PSMA6: variants seen among roughly 807,000 people sequenced by gnomAD.
PSMA6 encodes the protein proteasome 20S subunit alpha 6.
For synonymous variants in PSMA6, 88 were observed against 97.7 expected, an observed-to-expected ratio of 0.90 and a Z score of 0.59; for missense variants, 170 against 294.8, an observed-to-expected ratio of 0.58 and a Z score of 3.10.
chr14:35,289,803 G>A (rs2051457727), upstream of PSMA6, among the ~76,000 whole-genome samples: 1 of 150,982 alleles, frequency 6.6e-6, no homozygotes, highest in African/African-American at 2.4e-5. Flanking sequence ...TGCAGCTGCA[G>A]TCCCAGCTCC....
At chr14:35,304,560 T>G (rs2138737635) in intron 1 of PSMA6, among the ~76,000 whole-genome samples, 1 of 152,090 alleles carries the variant, frequency 6.6e-6, no homozygotes, top group Non-Finnish European at 1.5e-5. Flanking sequence ...CGAAACCTCG[T>G]CTCTACTAAA....
chr14:35,292,255 C>T (rs1197665424), upstream of PSMA6: 9 of 1,348,530 alleles, frequency 6.7e-6, no homozygotes, highest in East Asian at 2.1e-4. Flanking sequence ...AGGCGCATAC[C>T]TTCAAAGGCC....
At chr14:35,285,301 C>T (rs2051408406) in intron 1 of PSMA6, among the ~76,000 whole-genome samples, 2 of 149,240 alleles carry the variant, frequency 1.3e-5, no homozygotes, top group Admixed American at 1.4e-4. Flanking sequence ...GATCGTGCCA[C>T]TGCACTCTAG....
At chr14:35,286,221 G>A (rs2051420423) in intron 1 of PSMA6, among the ~76,000 whole-genome samples, 1 of 152,188 alleles carries the variant, frequency 6.6e-6, no homozygotes, top group Admixed American at 6.6e-5. Flanking sequence ...CTGACACTCA[G>A]AGCAGAACCT....
chr14:35,309,896 C>T (rs1040181048), intron 3 of PSMA6, among the ~76,000 whole-genome samples: 8 of 151,852 alleles, frequency 5.3e-5, no homozygotes, highest in South Asian at 2.1e-4. Flanking sequence ...CGCTTGAACC[C>T]GGGAGGTAGA....
intron 1 of PSMA6, among the ~76,000 whole-genome samples, chr14:35,304,937 G>T (rs1398409998): frequency 6.6e-6 from 1 of 151,894 alleles, no homozygotes; most frequent in Non-Finnish European, 1.5e-5. Flanking sequence ...TTTAAATTAG[G>T]CATGGTGATA....
At chr14:35,303,258 C>T (rs568299061) in intron 1 of PSMA6, among the ~76,000 whole-genome samples, 5 of 152,224 alleles carry the variant, frequency 3.3e-5, no homozygotes, top group African/African-American at 7.2e-5. Flanking sequence ...AAATCTCACT[C>T]GGTTTCTTTT....
At chr14:35,288,776 T>A (rs1254744344), upstream of PSMA6, among the ~76,000 whole-genome samples, 2 of 152,116 alleles carry the variant, frequency 1.3e-5, no homozygotes, top group African/African-American at 2.4e-5. Context: ...ATTTGAAATA[T>A]CCCATCACAG....
intron 3 of PSMA6, among the ~76,000 whole-genome samples, chr14:35,309,509 G>A (rs1164286141): frequency 6.6e-6 from 1 of 151,566 alleles, no homozygotes. Context: ...AATTAGCTAG[G>A]GGCTGGTCAC....
At chr14:35,294,141 T>TTCAA (rs1366182218) in intron 1 of PSMA6, among the ~76,000 whole-genome samples, 1 of 152,100 alleles carries the variant, frequency 6.6e-6, no homozygotes, top group Non-Finnish European at 1.5e-5. Flanking sequence ...GCCTCCCGGG[T>TTCAA]TCAAGCAATT....
At chr14:35,292,962 C>A (rs1395853413) in intron 1 of PSMA6, 2 of 462,502 alleles carry the variant, frequency 4.3e-6, no homozygotes, top group East Asian at 1.4e-4. Context: ...GCATGGACTT[C>A]TGTGGTTAAT....
chr14:35,299,569 G>A (rs71421931), intron 1 of PSMA6, among the ~76,000 whole-genome samples: 4 of 150,794 alleles, frequency 2.7e-5, no homozygotes, highest in East Asian at 2.0e-4. Flanking sequence ...TGATCCACCC[G>A]CCTCGGCCTC....
Position 35,310,730 on chromosome 14 carries a change from A to G in PSMA6, c.254-10A>G, listed in dbSNP as rs1439436371. On this transcript the variant is annotated splice_polypyrimidine_tract_variant and intron_variant, in intron 3 of 6. Transcript: ENST00000261479. ...CTAACCAGGTAAATCTTTGTTTTTT[A>G]TGCTATAAGCTGACAGCAGATCCCA... 8 of 1,610,648 alleles carry G rather than the reference A, an allele frequency of 5.0e-6. No homozygotes were observed. The highest frequency in any genetic ancestry group is 6.8e-6 in the Non-Finnish European group (8 of 1,179,560).
chr14:35,305,390 CT>C (rs2051803991), intron 1 of PSMA6, among the ~76,000 whole-genome samples: 1 of 152,162 alleles, frequency 6.6e-6, no homozygotes, highest in Non-Finnish European at 1.5e-5. Flanking sequence ...CCCACCTTGG[CT>C]TCCCAAATTG....
intron 1 of PSMA6, among the ~76,000 whole-genome samples, chr14:35,302,830 AT>A (rs2051742696): frequency 6.6e-6 from 1 of 151,728 alleles, no homozygotes; most frequent in African/African-American, 2.4e-5. Flanking sequence ...TACGTATTAT[AT>A]TTTTCAGTTC....
chr14:35,312,599 A>C (rs1340519036), intron 4 of PSMA6: 1 of 378,316 alleles, frequency 2.6e-6, no homozygotes, highest in Non-Finnish European at 4.7e-6. Context: ...ACATGCTTGG[A>C]TAACAGCAAG....
intron 1 of PSMA6, among the ~76,000 whole-genome samples, chr14:35,303,826 A>G (rs887093052): frequency 1.3e-5 from 2 of 152,158 alleles, no homozygotes; most frequent in African/African-American, 4.8e-5. Flanking sequence ...TCTTGTCATT[A>G]TTCGCTAAAC....
upstream of PSMA6, among the ~76,000 whole-genome samples, chr14:35,291,698 C>T (rs1466187888): frequency 2.0e-5 from 3 of 151,938 alleles, no homozygotes; most frequent in Non-Finnish European, 4.4e-5. Context: ...TGGCACACGC[C>T]TATAATCCCA....
chr14:35,314,738 TG>T, intron 6 of PSMA6: 1 of 178,174 alleles, frequency 5.6e-6, no homozygotes, highest in Non-Finnish European at 1.1e-5. Context: ...TTAGCATAAG[TG>T]TTTTCTTTTT....
Sources: allele counts gnomAD v4.1 joint callset (sites outside exome capture counted in the v4.1 genomes callset), GRCh38; gene constraint gnomAD v4.1.1; transcripts MANE v1.5; gene names NCBI Gene and HGNC (gene_info 2026-07-23, HGNC 2026-07-21).